Variants in HEATR5A observed in about 807,000 individuals in gnomAD.
The protein encoded by HEATR5A is HEAT repeat containing 5A, also known as HEAT repeat-containing protein 5A.
HEATR5A carries 178 observed loss-of-function variants against 218.8 expected under a neutral mutation model. The ratio of observed to expected loss-of-function variants is 0.81; its 90% CI spans 0.72 to 0.92. The LOEUF (loss-of-function observed/expected upper bound fraction) is 0.92, where lower values mean the gene tolerates loss of function less well. Among genes scored for constraint, HEATR5A ranks in the 40% least tolerant of loss-of-function variants. The probability of loss-of-function intolerance (pLI) is 0.00; values close to 1 mark genes in which losing one functional copy is unlikely to be tolerated. For missense variants in HEATR5A, 2,420 were observed against 2,418.9 expected, an observed-to-expected ratio of 1.00 and a Z score of -0.01; for synonymous variants, 864 against 871.6, an observed-to-expected ratio of 0.99 and a Z score of 0.15.
chr14:31,386,698 T>G, intron 8 of HEATR5A, 123 bp from the exon 9 acceptor site: 1 of 780,358 alleles, frequency 1.3e-6, no homozygotes, highest in South Asian at 2.2e-5. Flanking sequence ...TATGAAATAC[T>G]TGAGGCAATA....
At chr14:31,323,151 C>G (rs760852549) in intron 24 of HEATR5A, among the ~76,000 whole-genome samples, 2 of 152,094 alleles carry the variant, frequency 1.3e-5, no homozygotes, top group Non-Finnish European at 2.9e-5. Flanking sequence ...TAATGCATTG[C>G]ACCTGCTCAT....
intron 6 of HEATR5A, among the ~76,000 whole-genome samples, chr14:31,390,806 AT>A (rs2030423069): frequency 6.6e-6 from 1 of 151,614 alleles, no homozygotes; most frequent in South Asian, 2.1e-4. Flanking sequence ...TTACTGGTTT[AT>A]GTATTTATTA....
intron 1 of HEATR5A, among the ~76,000 whole-genome samples, chr14:31,416,580 T>C (rs1165139499): frequency 6.6e-6 from 1 of 151,872 alleles, no homozygotes; most frequent in Non-Finnish European, 1.5e-5. Context: ...GCTTCTTTTC[T>C]AGAAATAAAT....
chr14:31,389,486 T>C (rs2030363777), intron 6 of HEATR5A, among the ~76,000 whole-genome samples: 1 of 152,210 alleles, frequency 6.6e-6, no homozygotes, highest in South Asian at 2.1e-4. Flanking sequence ...CAATAAAACT[T>C]TTGCTATTCC....
At chr14:31,299,026 G>A (rs530252908) in intron 33 of HEATR5A, among the ~76,000 whole-genome samples, 19 of 152,144 alleles carry the variant, frequency 1.2e-4, no homozygotes, top group African/African-American at 4.6e-4. Flanking sequence ...ATGTAATTAC[G>A]TTATCTTCTG....
At chr14:31,305,565 G>A (rs1899531833) in intron 31 of HEATR5A, among the ~76,000 whole-genome samples, 1 of 152,186 alleles carries the variant, frequency 6.6e-6, no homozygotes, top group Admixed American at 6.5e-5. Flanking sequence ...GCCCGGCCAG[G>A]AAATACATTT....
chr14:31,303,262 G>A (rs939824954), intron 32 of HEATR5A, among the ~76,000 whole-genome samples: 22 of 151,968 alleles, frequency 1.4e-4, no homozygotes, highest in African/African-American at 4.8e-4. Flanking sequence ...GTGAAATCCT[G>A]TCTCTACTAA....
chr14:31,387,275 G>T lies in HEATR5A; in HGVS notation c.1034C>A (p.Pro345His). 1 of 1,614,002 alleles carries T rather than the reference G, an allele frequency of 6.2e-7. No individual in the cohort carries two copies. The highest frequency in any genetic ancestry group is 8.5e-7 in the Non-Finnish European group (1 of 1,179,896). The change falls in exon 8 of 36, where the codon CCT becomes CAT. Residue 345 changes from proline to histidine, a missense_variant. By Grantham distance (77) the Pro-to-His change is moderately conservative. Coordinates refer to ENST00000543095, the MANE Select transcript of HEATR5A (RefSeq NM_015473.4). ...ATCGATCTGAGTTTGGGTGGCTTTA[G>T]GGTGTGACGGTGACGCAAGGCTTAG... ...HILSLASPSH[P>H]KATQTQIDAV...
At chr14:31,411,931 T>C (rs1267805063) in intron 1 of HEATR5A, among the ~76,000 whole-genome samples, 1 of 152,096 alleles carries the variant, frequency 6.6e-6, no homozygotes, top group Non-Finnish European at 1.5e-5. Context: ...TCTTGGCTCA[T>C]TGCAAGCACT....
At position 31,343,992 on chromosome 14, in the gene HEATR5A, G is replaced by T; in HGVS notation, c.3132C>A (p.Asp1044Glu). The part of the protein sequence containing the change: ...LGCAVMQDNP[D>E]CLVQAQAISC... ...AGATGGCCTGAGCTTGAACAAGGCAGTCTGGGTTATCTTGCATTACTGCAC... is the reference window on the plus strand; with the variant it reads ...AGATGGCCTGAGCTTGAACAAGGCATTCTGGGTTATCTTGCATTACTGCAC... Residue 1044 changes from aspartate to glutamate, a missense_variant, in exon 21 of 36, where the codon GAC (aspartate) becomes GAA (glutamate). Coordinates refer to ENST00000543095, the MANE Select transcript of HEATR5A (RefSeq NM_015473.4). 6.2e-7 allele frequency: 1 copy of T among 1,611,250 alleles called. No homozygotes were observed. The highest frequency in any genetic ancestry group is 8.5e-7 in the Non-Finnish European group (1 of 1,178,550).
intron 23 of HEATR5A, 49 bp from the exon 24 acceptor site, chr14:31,323,853 T>C (rs1411636458): frequency 5.8e-6 from 7 of 1,217,092 alleles, no homozygotes; most frequent in East Asian, 5.1e-5. Flanking sequence ...GAAAGATATA[T>C]ATATATATAT....
intron 11 of HEATR5A, among the ~76,000 whole-genome samples, chr14:31,379,725 G>A (rs778204347): frequency 2.6e-4 from 40 of 152,288 alleles, no homozygotes; most frequent in Middle Eastern, 3.4e-3. Flanking sequence ...AGGCCAAGGC[G>A]GAAGGACTGC....
intron 22 of HEATR5A, among the ~76,000 whole-genome samples, chr14:31,336,216 AC>A (rs1295098473): frequency 3.9e-4 from 1 of 2,564 alleles, no homozygotes; most frequent in Non-Finnish European, 1.6e-3. Flanking sequence ...ATACATACAT[AC>A]ATATATATAT....
In HEATR5A at chr14:31,337,585, C is replaced by T. The variant is rs2139194623; in HGVS notation, c.3258G>A (p.Leu1086=). 1.2e-6 allele frequency: 2 copies of T among 1,601,018 alleles called. No homozygotes were observed. Among genetic ancestry groups the T allele is most frequent in the Non-Finnish European group, 1.7e-6 (2 of 1,173,656 alleles). ...GTAAGCAAGCCAGTACTGCTCTTCT[C>T]AGTAACAAGTAGGGGCTACAAAGAT... ...CVNLCSPYLL[L]RRAVLACLRQ... is the part of the protein sequence containing the mutation. Residue 1086 remains leucine (L), a synonymous_variant, in exon 22 of 36, where the codon CTG becomes CTA. Coordinates refer to ENST00000543095, the MANE Select transcript of HEATR5A (RefSeq NM_015473.4).
intron 26 of HEATR5A, 51 bp downstream of exon 26, chr14:31,318,173 G>A (rs1485327776): frequency 6.9e-7 from 1 of 1,452,314 alleles, no homozygotes; most frequent in Non-Finnish European, 9.7e-7. Context: ...ATACTAACTG[G>A]AGGACTGCTT....
Position 31,320,436 on chromosome 14 carries a change from C to A in HEATR5A, c.3969+1063G>T, listed in dbSNP as rs1038780924. On this transcript the variant is annotated intron_variant, in intron 25 of 35. Transcript: ENST00000543095. ...GCTGACCCAGCACCAATAAACTTGGCGGCTGTGTCAGTGTCCCGGGAGACA... is the reference window on the plus strand; with the variant it reads ...GCTGACCCAGCACCAATAAACTTGGAGGCTGTGTCAGTGTCCCGGGAGACA... The A allele has an allele frequency of 7.6e-6, 10 of 1,321,910 alleles. No homozygotes were observed. The East Asian group carries it at 2.1e-4, about 27-fold the overall frequency. The allele number at this position is 1,321,910 out of a possible 1,614,324, so 81.9% of individuals were successfully genotyped here. A position where few individuals can be genotyped will look rare whatever the true frequency, so the allele number is the denominator to read the frequency against.
intron 32 of HEATR5A, among the ~76,000 whole-genome samples, chr14:31,304,090 T>C (rs1899476540): frequency 6.6e-6 from 1 of 151,434 alleles, no homozygotes; most frequent in South Asian, 2.1e-4. Context: ...CAGGCCTGAG[T>C]CCTAACTACT....
In HEATR5A at chr14:31,374,643, C is replaced by A. The variant is rs115603020; in HGVS notation, c.1861+173G>T. Among the ~76,000 whole-genome samples the A allele has an allele frequency of 4.5e-3, 684 of 152,172 alleles. 2 individuals are homozygous for A. Among genetic ancestry groups the A allele is most frequent in the African/African-American group, 0.016 (648 of 41,504 alleles). On this transcript the variant is annotated intron_variant, in intron 12 of 35. Transcript: ENST00000543095. ...CAAATCTGGTTTATTATAACATACA[C>A]CAGTTATCATTACCAACTAATCGGT...
At position 31,368,642 on chromosome 14, in the gene HEATR5A, G is replaced by A. The variant is rs915528934; in HGVS notation, c.1961+3168C>T. 2.0e-5 allele frequency among the ~76,000 whole-genome samples: 3 copies of A among 151,998 alleles called. No individual in the cohort carries two copies. In the South Asian group the frequency reaches 6.2e-4, roughly 31 times the overall value. ...TTGAGGTGCTCAAGCAATCATTCCC[G>A]CCTCAGCCTCCTGTGTAGCTAGGAC... On this transcript the variant is annotated intron_variant, in intron 13 of 35. Coordinates refer to ENST00000543095, the MANE Select transcript of HEATR5A (RefSeq NM_015473.4).
Sources: allele counts gnomAD v4.1 joint callset (sites outside exome capture counted in the v4.1 genomes callset), GRCh38; gene constraint gnomAD v4.1.1; transcripts MANE v1.5; gene names NCBI Gene and HGNC (gene_info 2026-07-23, HGNC 2026-07-21).